Variants in TENM4 observed in about 807,000 individuals in gnomAD.
TENM4 encodes teneurin-4.
A neutral mutation model predicts 243.3 loss-of-function variants in TENM4; 82 were observed. That is an observed-to-expected ratio of 0.34 (90% CI 0.28 to 0.40). The LOEUF is 0.40. Among genes scored for constraint, TENM4 ranks in the 10% least tolerant of loss-of-function variants. TENM4 has a pLI of 1.00. For synonymous variants in TENM4, 1,412 were observed against 1,456.3 expected (o/e 0.97, Z 0.69); for missense variants, 3,138 against 3,673.3 (o/e 0.85, Z 3.77).
chr11:78,784,935 T>C (rs1423380432), intron 16 of TENM4, among the ~76,000 whole-genome samples: 1 of 152,164 alleles, frequency 6.6e-6, no homozygotes, highest in Non-Finnish European at 1.5e-5. Context: ...TCTTATAACA[T>C]TTTTGTCCAA....
chr11:78,673,155 C>T (rs1286167448), intron 30 of TENM4, among the ~76,000 whole-genome samples: 2 of 151,992 alleles, frequency 1.3e-5, no homozygotes, highest in Non-Finnish European at 2.9e-5. Context: ...AGTTCAATTT[C>T]CTTTCAGAGT....
chr11:78,659,078 A>C (rs117832913), intron 33 of TENM4, among the ~76,000 whole-genome samples: 1 of 152,318 alleles, frequency 6.6e-6, no homozygotes, highest in Non-Finnish European at 1.5e-5. Flanking sequence ...TTTTGTGAGC[A>C]CTGGTGACAG....
At chr11:79,043,372 G>T (rs950519171) in intron 6 of TENM4, among the ~76,000 whole-genome samples, 3 of 152,134 alleles carry the variant, frequency 2.0e-5, no homozygotes, top group African/African-American at 7.2e-5. Flanking sequence ...GGGGCCATAT[G>T]AGTAATTCAG....
chr11:78,799,854 A>G (rs531443080), intron 15 of TENM4, among the ~76,000 whole-genome samples: 1 of 152,354 alleles, frequency 6.6e-6, no homozygotes, highest in African/African-American at 2.4e-5. Context: ...GGAATAAAAT[A>G]TAGGGAGAGG....
chr11:79,307,220 G>T (rs920015172), intron 1 of TENM4, among the ~76,000 whole-genome samples: 3 of 152,134 alleles, frequency 2.0e-5, no homozygotes, highest in African/African-American at 7.2e-5. Flanking sequence ...ATGCAGAGTG[G>T]CAGCGGGAAC....
chr11:78,784,890 C>T (rs759436933), intron 16 of TENM4, among the ~76,000 whole-genome samples: 6 of 152,212 alleles, frequency 3.9e-5, no homozygotes, highest in South Asian at 2.1e-4. Flanking sequence ...TGTGACTAGA[C>T]GAAGGGAGAG....
chr11:79,150,984 T>C (rs906819197), intron 3 of TENM4, among the ~76,000 whole-genome samples: 1 of 152,180 alleles, frequency 6.6e-6, no homozygotes, highest in African/African-American at 2.4e-5. Flanking sequence ...TGACCTAATT[T>C]GCCCAGGATC....
At chr11:78,884,130 A>G (rs1855496044) in intron 9 of TENM4, among the ~76,000 whole-genome samples, 1 of 152,232 alleles carries the variant, frequency 6.6e-6, no homozygotes, top group African/African-American at 2.4e-5. Flanking sequence ...AACCCTGTGA[A>G]GTAACCACTA....
chr11:78,831,046 G>A (rs571944110), intron 12 of TENM4, among the ~76,000 whole-genome samples: 45 of 152,260 alleles, frequency 3.0e-4, no homozygotes, highest in African/African-American at 8.7e-4. Context: ...TAAAAGTTAG[G>A]TATGGTTATC....
chr11:79,437,404 C>G (rs897817584), intron 1 of TENM4, among the ~76,000 whole-genome samples: 12 of 152,096 alleles, frequency 7.9e-5, no homozygotes, highest in African/African-American at 2.9e-4. Context: ...GCGGCCGGGC[C>G]GGGGACGGGA....
intron 4 of TENM4, chr11:79,096,745 G>T (rs1029805445): frequency 8.5e-5 from 13 of 152,560 alleles, no homozygotes; most frequent in African/African-American, 3.1e-4. Flanking sequence ...GCCACTGCCT[G>T]ACTTTTCTTC....
rs1438198660 is a variant in TENM4, at chr11:79,438,436, C to T, written c.-321+2073G>A. The stretch of plus-strand genomic sequence containing the variant: ...AGCCATACCCGACCCCAGCCCCATC[C>T]CGTCCCCATCAGCGCCGGGCTAGCG... On this transcript the variant is annotated intron_variant, in intron 1 of 33. Coordinates refer to ENST00000278550, the MANE Select transcript of TENM4 (RefSeq NM_001098816.3). The surrounding 1 kb of genome is among the most constrained non-coding windows in gnomAD (Gnocchi z 4.1). 3.9e-5 allele frequency among the ~76,000 whole-genome samples: 6 copies of T among 152,300 alleles called. No individual in the cohort carries two copies. Among genetic ancestry groups the T allele is most frequent in the Non-Finnish European group, 8.8e-5 (6 of 68,010 alleles).
intron 2 of TENM4, among the ~76,000 whole-genome samples, chr11:79,221,302 A>C (rs989989121): frequency 6.6e-6 from 1 of 152,178 alleles, no homozygotes; most frequent in African/African-American, 2.4e-5. Context: ...GCAAATAAAC[A>C]GGGAGAGAAG....
intron 6 of TENM4, among the ~76,000 whole-genome samples, chr11:78,919,139 G>A (rs1358168071): frequency 1.3e-5 from 2 of 152,150 alleles, no homozygotes; most frequent in African/African-American, 4.8e-5. Flanking sequence ...CAGTCCTAAT[G>A]TCTATGGTTA....
chr11:79,138,322 TA>T (rs958207655), intron 4 of TENM4, among the ~76,000 whole-genome samples: 2 of 109,000 alleles, frequency 1.8e-5, no homozygotes, highest in African/African-American at 7.4e-5. Context: ...TATATATATA[TA>T]TATATATTAT....
chr11:78,793,722 T>A (rs627195), intron 15 of TENM4, among the ~76,000 whole-genome samples: 2 of 152,276 alleles, frequency 1.3e-5, no homozygotes, highest in East Asian at 1.9e-4. Context: ...TTAAATTCTC[T>A]CAATAGTCCT....
chr11:79,124,848 CATATGTATAT>C (rs1489619623), intron 4 of TENM4, among the ~76,000 whole-genome samples: 1 of 104,948 alleles, frequency 9.5e-6, no homozygotes, highest in Admixed American at 9.9e-5. Context: ...TATATATACA[CATATGTATAT>C]ATATGTATAT....
chr11:78,692,740 T>G (rs1858857461), intron 28 of TENM4, among the ~76,000 whole-genome samples: 1 of 152,228 alleles, frequency 6.6e-6, no homozygotes, highest in East Asian at 1.9e-4. Context: ...TCCCTGTATC[T>G]GCTTCTGGTC....
Position 79,064,874 on chromosome 11 carries a change from A to C in TENM4, c.357T>G (p.Ala119=). The part of the protein sequence containing the change: ...MGAGSDADME[A]DTVLSPEHPV... ...GGTGCTCAGGGGACAGCACCGTGTCAGCCTCCATGTCGGCATCAGAGCCAG... is the reference window on the plus strand; with the variant it reads ...GGTGCTCAGGGGACAGCACCGTGTCCGCCTCCATGTCGGCATCAGAGCCAG... Residue 119 remains alanine (A), a synonymous_variant, in exon 6 of 34, where the codon GCT becomes GCG. Transcript: ENST00000278550. 6.4e-7 allele frequency: 1 copy of C among 1,550,726 alleles called. No individual in the cohort carries two copies. Among genetic ancestry groups the C allele is most frequent in the African/African-American group, 1.4e-5 (1 of 73,170 alleles).
Sources: gnomAD v4.1 joint callset for allele counts (sites outside exome capture counted in the v4.1 genomes callset) on GRCh38, gnomAD v4.1.1 for gene constraint, Gnocchi (gnomAD v3.1) non-coding constraint, MANE v1.5 for transcripts, NCBI Gene and HGNC (gene_info 2026-07-23, HGNC 2026-07-21) for gene names.